Variants in HFM1 observed in about 807,000 individuals in gnomAD.
The protein encoded by HFM1 is helicase for meiosis 1, also known as probable ATP-dependent DNA helicase HFM1.
HFM1 carries 169 observed loss-of-function variants against 192.1 expected under a neutral mutation model. The observed-to-expected ratio is 0.88, with a 90% CI of 0.78 to 1.00. The LOEUF is 1.00. HFM1 is among the 50% of genes least tolerant of loss of function. The pLI, the probability that HFM1 is intolerant of heterozygous loss-of-function variation, is 0.00. For missense variants in HFM1, 1,661 were observed against 1,668.0 expected (o/e 1.00, Z 0.07); for synonymous variants, 525 against 537.8 (o/e 0.98, Z 0.33).
At chr1:91,321,966 T>G (rs1279725060) in intron 23 of HFM1, among the ~76,000 whole-genome samples, 4 of 152,140 alleles carry the variant, frequency 2.6e-5, no homozygotes, top group African/African-American at 9.7e-5. Flanking sequence ...AAATCAAGAG[T>G]TCTAGATAGC....
chr1:91,391,611 T>C (rs1415880623), intron 4 of HFM1, among the ~76,000 whole-genome samples: 1 of 152,154 alleles, frequency 6.6e-6, no homozygotes, highest in Non-Finnish European at 1.5e-5. Context: ...TCAAGATGGA[T>C]TAAAGACTTA....
At chr1:91,317,355 G>A (rs7521314) in intron 25 of HFM1, among the ~76,000 whole-genome samples, 45,546 of 151,876 alleles carry the variant, frequency 0.3, 7,101 homozygotes, top group Non-Finnish European at 0.34. Flanking sequence ...CGGAGGTTGC[G>A]GTGAGCCAAG....
rs559792804 is a variant in HFM1, at chr1:91,287,653, G to C, written c.3392-10591C>G. ...AGTTCCTCACCAGCAACAGAACAAA[G>C]CTGGACGGAGAATGACTTTGACGAG... is the stretch of plus-strand genomic sequence containing the variant. On this transcript the variant is annotated intron_variant, in intron 30 of 38. Coordinates refer to ENST00000370425, the MANE Select transcript of HFM1 (RefSeq NM_001017975.6). Among the ~76,000 whole-genome samples the C allele has an allele frequency of 2.3e-3, 343 of 152,268 alleles. 1 individual carries two copies. Among genetic ancestry groups the C allele is most frequent in the African/African-American group, 7.8e-3 (325 of 41,562 alleles).
intron 20 of HFM1, among the ~76,000 whole-genome samples, chr1:91,327,125 T>C (rs769987985): frequency 3.9e-5 from 6 of 152,054 alleles, no homozygotes; most frequent in Non-Finnish European, 7.4e-5. Flanking sequence ...GAGAAGACTG[T>C]AAAACAACCA....
chr1:91,303,099 GTCA>G (rs1289397080), intron 30 of HFM1, among the ~76,000 whole-genome samples: 2 of 152,104 alleles, frequency 1.3e-5, no homozygotes, highest in African/African-American at 2.4e-5. Context: ...TTGTGCAACA[GTCA>G]TCATATAATT....
At chr1:91,315,178 C>G (rs1192264277) in intron 28 of HFM1, among the ~76,000 whole-genome samples, 1 of 152,190 alleles carries the variant, frequency 6.6e-6, no homozygotes, top group Non-Finnish European at 1.5e-5. Flanking sequence ...AGAATACGGA[C>G]AGCACCTGTC....
chr1:91,347,594 G>T, intron 18 of HFM1, 118 bp from the exon 19 acceptor site: 1 of 497,372 alleles, frequency 2.0e-6, no homozygotes, highest in Non-Finnish European at 3.6e-6. Context: ...AAAAATCTCA[G>T]CTGATTGAGT....
intron 33 of HFM1, 21 bp downstream of exon 33, chr1:91,274,709 A>G: frequency 8.4e-7 from 1 of 1,185,986 alleles, no homozygotes; most frequent in Non-Finnish European, 1.2e-6. Context: ...TTTACCTTAG[A>G]TATTAACATT....
At chr1:91,280,210 G>A (rs1667337825) in intron 30 of HFM1, among the ~76,000 whole-genome samples, 1 of 152,130 alleles carries the variant, frequency 6.6e-6, no homozygotes, top group Non-Finnish European at 1.5e-5. Context: ...ACGTTGGGCT[G>A]AGCACTGAAG....
intron 30 of HFM1, among the ~76,000 whole-genome samples, chr1:91,310,384 TTCTA>T (rs1379858305): frequency 2.0e-5 from 3 of 152,206 alleles, no homozygotes; most frequent in Non-Finnish European, 2.9e-5. Context: ...CATCTTACAC[TTCTA>T]TCTACTTTTG....
intron 30 of HFM1, among the ~76,000 whole-genome samples, chr1:91,297,062 C>T (rs1029306853): frequency 1.6e-4 from 24 of 152,252 alleles, no homozygotes; most frequent in African/African-American, 4.6e-4. Context: ...GGGTGACAGA[C>T]GGCACCTGGA....
chr1:91,297,733 G>C (rs912790635), intron 30 of HFM1, among the ~76,000 whole-genome samples: 18 of 152,336 alleles, frequency 1.2e-4, no homozygotes, highest in African/African-American at 4.1e-4. Flanking sequence ...TGAGGGTCCT[G>C]ACTGTTAGAA....
chr1:91,277,745 A>G (rs1667023698), intron 30 of HFM1, among the ~76,000 whole-genome samples: 1 of 120,658 alleles, frequency 8.3e-6, no homozygotes, highest in Admixed American at 1.0e-4. Flanking sequence ...TATAATATAT[A>G]TACTTTATAT....
intron 13 of HFM1, among the ~76,000 whole-genome samples, chr1:91,374,606 G>A (rs1660681221): frequency 6.6e-6 from 1 of 152,162 alleles, no homozygotes; most frequent in Non-Finnish European, 1.5e-5. Flanking sequence ...TTTCTGCTAT[G>A]AGTAACTAAG....
At chr1:91,338,941 A>G (rs1207163560) in intron 20 of HFM1, 1 of 455,892 alleles carries the variant, frequency 2.2e-6, no homozygotes, top group Non-Finnish European at 4.4e-6. Flanking sequence ...CCTCCAGTGC[A>G]GCAGGTACTT....
In HFM1 at chr1:91,261,101, CA is replaced by C. The variant is rs1220849955; in HGVS notation, c.*188del. ...ACAAAGCCACTGTAAAAGAGCTTTT[CA>C]AGAAGTTACAATATAATGGGAAAAT... On this transcript the variant is annotated 3_prime_UTR_variant, in exon 39 of 39. Coordinates refer to ENST00000370425, the MANE Select transcript of HFM1 (RefSeq NM_001017975.6). 2.3e-5 allele frequency: 8 copies of C among 353,334 alleles called. No homozygotes were observed. The highest frequency in any genetic ancestry group is 4.2e-5 in the Non-Finnish European group (8 of 188,820). The allele number at this position is 353,334 out of a possible 1,614,324, so 21.9% of individuals were successfully genotyped here.
chr1:91,403,291 T>G (rs948114347), intron 1 of HFM1, among the ~76,000 whole-genome samples: 1 of 152,134 alleles, frequency 6.6e-6, no homozygotes, highest in African/African-American at 2.4e-5. Context: ...CAAGAACCAG[T>G]TTATAAAAAT....
intron 30 of HFM1, among the ~76,000 whole-genome samples, chr1:91,288,834 T>C (rs1668337287): frequency 6.6e-6 from 1 of 152,212 alleles, no homozygotes; most frequent in Non-Finnish European, 1.5e-5. Context: ...ATTTCCCCCT[T>C]TTCTATTCAA....
Position 91,363,106 on chromosome 1 carries a change from CAT to C in HFM1, c.1686-9809_1686-9808del, listed in dbSNP as rs1402043335. ...AAAATCTAGGCAATACCCTTCAAGT[CAT>C]AGGCACGGGCAAAGATTTCATGAAG... On this transcript the variant is annotated intron_variant, in intron 13 of 38. Coordinates refer to ENST00000370425, the MANE Select transcript of HFM1 (RefSeq NM_001017975.6). Among the ~76,000 whole-genome samples, 12 of 152,238 alleles carry C rather than the reference CAT, an allele frequency of 7.9e-5. No homozygotes were observed. The East Asian group carries it at 2.1e-3, about 27-fold the overall frequency.
Sources: gnomAD v4.1 joint callset for allele counts (sites outside exome capture counted in the v4.1 genomes callset) on GRCh38, gnomAD v4.1.1 for gene constraint, MANE v1.5 for transcripts, NCBI Gene and HGNC (gene_info 2026-07-23, HGNC 2026-07-21) for gene names.